CXXC5: variants seen among roughly 807,000 people sequenced by gnomAD.
CXXC5 encodes the protein CXXC-type zinc finger protein 5.
A neutral mutation model predicts 17.6 loss-of-function variants in CXXC5; 2 were observed. The observed-to-expected ratio is 0.11, with a 90% CI of 0.05 to 0.36. CXXC5 has a LOEUF of 0.36. Ranked by LOEUF, CXXC5 falls within the 10% of genes least tolerant of loss-of-function variation. The probability of loss-of-function intolerance (pLI) is 1.00; values close to 1 mark genes in which losing one functional copy is unlikely to be tolerated. For synonymous variants in CXXC5, 171 were observed against 193.0 expected, an observed-to-expected ratio of 0.89 and a Z score of 0.94; for missense variants, 343 against 458.3, an observed-to-expected ratio of 0.75 and a Z score of 2.30.
At chr5:139,650,339 C>T (rs1755098688) in intron 1 of CXXC5, among the ~76,000 whole-genome samples, 1 of 152,194 alleles carries the variant, frequency 6.6e-6, no homozygotes, top group Admixed American at 6.5e-5. Context: ...AGACTCCTGA[C>T]CCCCACCTTT....
chr5:139,682,294 C>T (rs1246340816), intron 2 of CXXC5, among the ~76,000 whole-genome samples: 1 of 152,016 alleles, frequency 6.6e-6, no homozygotes, highest in African/African-American at 2.4e-5. Context: ...TGGTATATCC[C>T]AGCCATGGCC....
intron 1 of CXXC5, among the ~76,000 whole-genome samples, chr5:139,667,663 T>C (rs1756184695): frequency 6.6e-6 from 1 of 152,026 alleles, no homozygotes; most frequent in Admixed American, 6.5e-5. Context: ...GGAGGGTGAA[T>C]AGTCAGTCCT....
At chr5:139,673,582 C>T (rs1756600659) in intron 1 of CXXC5, among the ~76,000 whole-genome samples, 2 of 152,228 alleles carry the variant, frequency 1.3e-5, no homozygotes, top group Non-Finnish European at 2.9e-5. Context: ...TGGCTCACGC[C>T]TGTAACCCCA....
rs1460132093 is a variant in CXXC5 at position 139,661,878 on chromosome 5, A to G, written c.-161+13033A>G. ...TCTGCCCTCTCTGGGGAGGAGGTCC[A>G]AGTATCAGGCATGAGAGTGTTAAAC... On this transcript the variant is annotated intron_variant, in intron 1 of 2. Transcript: ENST00000302517. This position sits in a 1 kb window ranked among gnomAD's most constrained non-coding sequence, Gnocchi z 4.7. Among the ~76,000 whole-genome samples the G allele has an allele frequency of 1.3e-5, 2 of 152,240 alleles. No individual in the cohort carries two copies. Among genetic ancestry groups the G allele is most frequent in the Non-Finnish European group, 2.9e-5 (2 of 68,038 alleles).
Position 139,670,389 on chromosome 5 carries a change from C to G in CXXC5, c.-160-9975C>G, listed in dbSNP as rs1239214032. 2.0e-5 allele frequency among the ~76,000 whole-genome samples: 3 copies of G among 152,182 alleles called. No individual in the cohort carries two copies. Among genetic ancestry groups the G allele is most frequent in the Non-Finnish European group, 4.4e-5 (3 of 68,036 alleles). On this transcript the variant is annotated intron_variant, in intron 1 of 2. Transcript: ENST00000302517. The surrounding 1 kb of genome is among the most constrained non-coding windows in gnomAD (Gnocchi z 4.2). ...AGCTAGTGGAACCCTGGGTTGGTTT[C>G]TCAGAGGCACAAACTGAACCTGGAT...
rs1054753668 is a variant in CXXC5, at chr5:139,681,453, G to A, written c.924+6G>A. The A allele has an allele frequency of 5.8e-6, 9 of 1,553,956 alleles. No homozygotes were observed. The highest frequency in any genetic ancestry group is 6.1e-6 in the Non-Finnish European group (7 of 1,146,906). The stretch of plus-strand genomic sequence containing the variant: ...AGCCTTCCGCTGCTCTGGAGGTAAC[G>A]GCGCCTTAGAGGGAGGTGTGTGGGC... On this transcript the variant is annotated splice_donor_region_variant and intron_variant, in intron 2 of 2. Coordinates refer to ENST00000302517, the MANE Select transcript of CXXC5 (RefSeq NM_016463.9).
In CXXC5 at chr5:139,663,586, C is replaced by T. The variant is rs568826822; in HGVS notation, c.-161+14741C>T. Reference sequence around the variant, plus strand: ...TCCCCCCATGGTCCTGCAGGCTAGACGGGGAATGCTTTGTATTTGGGGCTG... The same window carrying T: ...TCCCCCCATGGTCCTGCAGGCTAGATGGGGAATGCTTTGTATTTGGGGCTG... On this transcript the variant is annotated intron_variant, in intron 1 of 2. Transcript: ENST00000302517. The surrounding 1 kb of genome is among the most constrained non-coding windows in gnomAD (Gnocchi z 4.2). 2.4e-4 allele frequency among the ~76,000 whole-genome samples: 37 copies of T among 152,066 alleles called. No homozygotes were observed. The highest frequency in any genetic ancestry group is 2.0e-3 in the Admixed American group (31 of 15,278).
chr5:139,652,618 G>A lies in CXXC5; in HGVS notation c.-161+3773G>A, dbSNP rs531474511. ...ATATCTGTGAATCTCTGTGTTGAAT[G>A]TCTGTCTCAGGGTGTGGGAGTCTGA... is the stretch of plus-strand genomic sequence containing the variant. On this transcript the variant is annotated intron_variant, in intron 1 of 2. Transcript: ENST00000302517. Among the ~76,000 whole-genome samples the A allele has an allele frequency of 2.0e-5, 3 of 152,332 alleles. No individual in the cohort carries two copies. The East Asian group carries it at 5.8e-4, about 29-fold the overall frequency.
At chr5:139,679,204 A>C (rs1463789062) in intron 1 of CXXC5, among the ~76,000 whole-genome samples, 2 of 152,014 alleles carry the variant, frequency 1.3e-5, no homozygotes, top group Non-Finnish European at 2.9e-5. Context: ...CCCAGGCCCT[A>C]CTCTGCAGGC....
chr5:139,674,557 C>A (rs551305965), intron 1 of CXXC5, among the ~76,000 whole-genome samples: 2 of 152,232 alleles, frequency 1.3e-5, no homozygotes, highest in African/African-American at 4.8e-5. Flanking sequence ...GGCTGGTCAG[C>A]CAGCAAGGAA....
chr5:139,652,868 T>C (rs371501445), intron 1 of CXXC5, among the ~76,000 whole-genome samples: 1 of 152,222 alleles, frequency 6.6e-6, no homozygotes, highest in East Asian at 1.9e-4. Flanking sequence ...GCTTTGTATA[T>C]GCTTATAAAT....
In CXXC5 at chr5:139,681,321, C is replaced by T. The variant is rs750389836; in HGVS notation, c.798C>T (p.Cys266=). ...GKKKRKRCGM[C]APCRRRINCE... is the part of the protein sequence containing the mutation. ...AGAAGCGGAAACGCTGCGGCATGTG[C>T]GCGCCCTGCCGGCGGCGCATCAACT... Residue 266 remains cysteine, a synonymous_variant, in exon 2 of 3, where the codon TGC becomes TGT. Transcript: ENST00000302517. The T allele has an allele frequency of 1.1e-5, 17 of 1,612,560 alleles. No individual in the cohort carries two copies. The highest frequency in any genetic ancestry group is 6.7e-5 in the East Asian group (3 of 44,886).
At chr5:139,677,498 C>T (rs994898420) in intron 1 of CXXC5, among the ~76,000 whole-genome samples, 5 of 152,276 alleles carry the variant, frequency 3.3e-5, no homozygotes, top group East Asian at 3.9e-4. Flanking sequence ...GTATCAGGGC[C>T]GATTTGGAAC....
intron 1 of CXXC5, among the ~76,000 whole-genome samples, chr5:139,664,073 C>T (rs550943171): frequency 1.0e-3 from 158 of 152,330 alleles, no homozygotes; most frequent in Admixed American, 3.6e-3. Context: ...CCAGCCCCCT[C>T]CCCCATGCCC....
chr5:139,680,074 GC>G (rs1370972717), intron 1 of CXXC5: 1 of 187,878 alleles, frequency 5.3e-6, no homozygotes, highest in Admixed American at 5.4e-5. Context: ...CTGGACTAGG[GC>G]CTCCACCATG....
intron 1 of CXXC5, among the ~76,000 whole-genome samples, chr5:139,662,568 G>A (rs1755881057): frequency 6.6e-6 from 1 of 152,224 alleles, no homozygotes; most frequent in Admixed American, 6.5e-5. Context: ...TACTGAGACA[G>A]CCTAGCAGTG....
intron 2 of CXXC5, among the ~76,000 whole-genome samples, chr5:139,682,505 C>A (rs1379779879): frequency 6.6e-6 from 1 of 152,190 alleles, no homozygotes. Flanking sequence ...CAGCATAGCA[C>A]GAGGCACACA....
At chr5:139,650,726 G>A (rs753537351) in intron 1 of CXXC5, among the ~76,000 whole-genome samples, 4 of 152,168 alleles carry the variant, frequency 2.6e-5, no homozygotes, top group Non-Finnish European at 5.9e-5. Flanking sequence ...AAAGATGCCC[G>A]TGCCTTGGTT....
intron 1 of CXXC5, among the ~76,000 whole-genome samples, chr5:139,656,984 C>T (rs187586267): frequency 9.8e-4 from 149 of 152,350 alleles, no homozygotes; most frequent in African/African-American, 3.3e-3. Context: ...CTCGGCCTCC[C>T]GAAGTGCTGG....
Sources: gnomAD v4.1 joint callset for allele counts (sites outside exome capture counted in the v4.1 genomes callset) on GRCh38, gnomAD v4.1.1 for gene constraint, Gnocchi (gnomAD v3.1) non-coding constraint, MANE v1.5 for transcripts, NCBI Gene and HGNC (gene_info 2026-07-23, HGNC 2026-07-21) for gene names.